The following CATSPERG variants were observed in gnomAD, a reference collection of about 807,000 sequenced individuals.
The protein encoded by CATSPERG is cation channel sperm-associated auxiliary subunit gamma.
CATSPERG carries 115 observed loss-of-function variants against 145.0 expected under a neutral mutation model. The observed-to-expected ratio is 0.79, with a 90% CI of 0.68 to 0.93. The LOEUF (loss-of-function observed/expected upper bound fraction) is 0.93, where lower values mean the gene tolerates loss of function less well. CATSPERG is among the 40% of genes least tolerant of loss of function. The pLI is 0.00. For synonymous variants in CATSPERG, 588 were observed against 589.0 expected, an observed-to-expected ratio of 1.00 and a Z score of 0.02; for missense variants, 1,296 against 1,490.1, an observed-to-expected ratio of 0.87 and a Z score of 2.14.
At position 38,343,684 on chromosome 19, in the gene CATSPERG, G is replaced by A; in HGVS notation, c.429G>A (p.Gln143=). 1 of 1,551,418 alleles carries A rather than the reference G, an allele frequency of 6.4e-7. No homozygotes were observed. The highest frequency in any genetic ancestry group is 1.7e-4 in the Middle Eastern group (1 of 5,956). The part of the protein sequence containing the change: ...PVNFYRWKIE[Q]LQIQMEAAPF... ...ACTTCTACCGCTGGAAGATAGAGCA[G>A]CTGCAGATCCAGATGGAGGCTGCCC... Residue 143 remains glutamine, a synonymous_variant, in exon 4 of 29, where the codon CAG becomes CAA. Transcript: ENST00000409235.
chr19:38,356,664 A>T, intron 10 of CATSPERG, 78 bp from the exon 11 acceptor site: 2 of 1,596,892 alleles, frequency 1.3e-6, no homozygotes, highest in Non-Finnish European at 1.7e-6. Context: ...GGGGTGAGTT[A>T]TGGGGAGGGG....
intron 26 of CATSPERG, 77 bp downstream of exon 26, chr19:38,368,214 G>C (rs961096448): frequency 2.3e-6 from 3 of 1,287,516 alleles, no homozygotes; most frequent in Middle Eastern, 1.8e-4. Context: ...TCTGCCCCTA[G>C]GAGGCCTCTT....
chr19:38,354,687 A>G (rs1197514375), intron 8 of CATSPERG, 23 bp from the exon 9 acceptor site: 5 of 1,611,972 alleles, frequency 3.1e-6, no homozygotes, highest in Non-Finnish European at 3.4e-6. Flanking sequence ...CCTGGGTCTG[A>G]GGCCCCATAC....
chr19:38,348,946 CACT>C (rs1970088779), intron 7 of CATSPERG: 1 of 152,064 alleles, frequency 6.6e-6, no homozygotes. Flanking sequence ...CAACCACCAC[CACT>C]ATCTACTTCC....
chr19:38,354,032 T>C (rs929343872), intron 8 of CATSPERG, among the ~76,000 whole-genome samples: 1 of 141,024 alleles, frequency 7.1e-6, no homozygotes, highest in African/African-American at 2.5e-5. Context: ...ACCAAAGCTC[T>C]CTTATTTCTT....
chr19:38,336,439 G>A (rs1265293134), intron 1 of CATSPERG: 8 of 320,062 alleles, frequency 2.5e-5, no homozygotes, highest in East Asian at 9.6e-5. Context: ...AAGTGGAGGA[G>A]TAGGGGCGCG....
chr19:38,344,903 T>TA (rs1568372947), intron 6 of CATSPERG, among the ~76,000 whole-genome samples: 1,039 of 86,118 alleles, frequency 0.012, 165 homozygotes, highest in Non-Finnish European at 0.021. Flanking sequence ...ATATATATAT[T>TA]TTTTTTTTTT....
chr19:38,368,153 G>A lies in CATSPERG; in HGVS notation c.3020+16G>A. ...CAGGCATCGAGTGAGTGCGTAGCCT[G>A]GCCCCTCTTGGCCCCCATCTGTCGG... On this transcript the variant is annotated intron_variant, in intron 26 of 28. Coordinates refer to ENST00000409235, the MANE Select transcript of CATSPERG (RefSeq NM_021185.5). The A allele has an allele frequency of 1.2e-6, 2 of 1,608,460 alleles. No individual in the cohort carries two copies. Among genetic ancestry groups the A allele is most frequent in the Non-Finnish European group, 1.7e-6 (2 of 1,175,030 alleles).
chr19:38,359,320 T>C (rs1484077944), intron 13 of CATSPERG, 150 bp from the exon 14 acceptor site: 1 of 485,540 alleles, frequency 2.1e-6, no homozygotes, highest in Non-Finnish European at 3.9e-6. Flanking sequence ...CTCAAAGGGT[T>C]TGGGGTGGGG....
chr19:38,346,741 A>G, intron 7 of CATSPERG, 136 bp downstream of exon 7: 1 of 776,116 alleles, frequency 1.3e-6, no homozygotes, highest in Non-Finnish European at 1.9e-6. Context: ...GATAGCATGA[A>G]GAAAAAACAC....
At chr19:38,362,981 TC>T (rs1173907420) in intron 20 of CATSPERG, 149 bp downstream of exon 20, 1 of 618,768 alleles carries the variant, frequency 1.6e-6, no homozygotes, top group Non-Finnish European at 2.8e-6. Flanking sequence ...CAAGCGATCC[TC>T]CTCCCTCAAC....
intron 6 of CATSPERG, among the ~76,000 whole-genome samples, chr19:38,344,901 A>T (rs75303404): frequency 0.42 from 33,276 of 79,866 alleles, 8,020 homozygotes; most frequent in African/African-American, 0.56. Flanking sequence ...ATATATATAT[A>T]TTTTTTTTTT....
intron 8 of CATSPERG, among the ~76,000 whole-genome samples, chr19:38,353,861 A>G (rs1970195115): frequency 6.6e-6 from 1 of 151,066 alleles, no homozygotes; most frequent in South Asian, 2.1e-4. Flanking sequence ...GTGTGGTGGC[A>G]TGTGCCTGTA....
chr19:38,356,369 T>G, intron 9 of CATSPERG, 115 bp from the exon 10 acceptor site: 14 of 842,882 alleles, frequency 1.7e-5, no homozygotes, highest in East Asian at 2.5e-5. Context: ...GGCCAGAGAA[T>G]GAGATCCCAA....
Position 38,343,636 on chromosome 19 carries a change from G to A in CATSPERG, c.381G>A (p.Leu127=), listed in dbSNP as rs990552017. 9.7e-6 allele frequency: 15 copies of A among 1,551,416 alleles called. No individual in the cohort carries two copies. The East Asian group carries it at 2.7e-4, about 28-fold the overall frequency. Reference sequence around the variant, plus strand: ...TGACGGGGCTAAAGCCCCTGGTGCTGGTCACCTTCCAGTCCCCAGTCAACT... The same window carrying A: ...TGACGGGGCTAAAGCCCCTGGTGCTAGTCACCTTCCAGTCCCCAGTCAACT... The part of the protein sequence containing the change: ...GHLTGLKPLV[L]VTFQSPVNFY... Residue 127 remains leucine, a synonymous_variant, in exon 4 of 29, where the codon CTG becomes CTA. Transcript: ENST00000409235.
Position 38,343,650 on chromosome 19 carries a change from C to A in CATSPERG, c.395C>A (p.Ser132Tyr), listed in dbSNP as rs1241488929. 6.4e-7 allele frequency: 1 copy of A among 1,551,390 alleles called. No individual in the cohort carries two copies. Among genetic ancestry groups the A allele is most frequent in the African/African-American group, 1.4e-5 (1 of 73,052 alleles). Residue 132 changes from serine (S) to tyrosine (Y), a missense_variant, in exon 4 of 29, where the codon TCC becomes TAC. Coordinates refer to ENST00000409235, the MANE Select transcript of CATSPERG (RefSeq NM_021185.5). The part of the protein sequence containing the change: ...LKPLVLVTFQ[S>Y]PVNFYRWKIE... ...CCCCTGGTGCTGGTCACCTTCCAGT[C>A]CCCAGTCAACTTCTACCGCTGGAAG...
chr19:38,353,404 C>T (rs1970182578), intron 8 of CATSPERG, among the ~76,000 whole-genome samples: 2 of 151,094 alleles, frequency 1.3e-5, no homozygotes, highest in South Asian at 2.1e-4. Flanking sequence ...TAAATGATAC[C>T]GTGGCTGGGT....
chr19:38,346,356 C>A, intron 6 of CATSPERG, 94 bp from the exon 7 acceptor site: 1 of 1,177,886 alleles, frequency 8.5e-7, no homozygotes, highest in Non-Finnish European at 1.2e-6. Context: ...TCGCGTGGGG[C>A]CTTGTGGGTC....
chr19:38,351,831 G>A lies in CATSPERG; in HGVS notation c.826-430G>A, dbSNP rs184363823. On this transcript the variant is annotated intron_variant, in intron 7 of 28. Coordinates refer to ENST00000409235, the MANE Select transcript of CATSPERG (RefSeq NM_021185.5). ...GGAGACTGAGGTGGGAGGATCGTTCGAGCCCAGGAGTTTGAAGCTGCAGTG... is the reference window on the plus strand; with the variant it reads ...GGAGACTGAGGTGGGAGGATCGTTCAAGCCCAGGAGTTTGAAGCTGCAGTG... Among the ~76,000 whole-genome samples the A allele has an allele frequency of 4.6e-3, 704 of 152,018 alleles. 2 individuals carry two copies. The highest frequency in any genetic ancestry group is 8.0e-3 in the Non-Finnish European group (543 of 67,982).
Sources: allele counts gnomAD v4.1 joint callset (sites outside exome capture counted in the v4.1 genomes callset), GRCh38; gene constraint gnomAD v4.1.1; transcripts MANE v1.5; gene names NCBI Gene and HGNC (gene_info 2026-07-23, HGNC 2026-07-21).